Variants in CLNK observed in about 807,000 individuals in gnomAD.
CLNK encodes the protein cytokine dependent hematopoietic cell linker, also known as cytokine-dependent hematopoietic cell linker.
Under a neutral mutation model 68.6 loss-of-function variants are expected in CLNK, and 74 were observed. The ratio of observed to expected loss-of-function variants is 1.08; its 90% CI spans 0.89 to 1.31. CLNK has a LOEUF of 1.31. CLNK is among the 50% of genes most tolerant of loss of function. CLNK has a pLI of 0.00. For missense variants in CLNK, 553 were observed against 515.3 expected, an observed-to-expected ratio of 1.07 and a Z score of -0.71; for synonymous variants, 198 against 172.2, an observed-to-expected ratio of 1.15 and a Z score of -1.17.
chr4:10,622,184 A>G (rs1008601464), intron 2 of CLNK, among the ~76,000 whole-genome samples: 1 of 152,210 alleles, frequency 6.6e-6, no homozygotes, highest in South Asian at 2.1e-4. Context: ...GGTAAATACC[A>G]TATAGATTGT....
intron 11 of CLNK, among the ~76,000 whole-genome samples, chr4:10,535,790 A>G (rs1718736820): frequency 6.6e-6 from 1 of 152,048 alleles, no homozygotes; most frequent in South Asian, 2.1e-4. Flanking sequence ...TATTGAAGTT[A>G]TTTATAATAA....
chr4:10,696,290 G>T, the CLNK span, among the ~76,000 whole-genome samples: 2 of 152,274 alleles, frequency 1.3e-5, no homozygotes, highest in Admixed American at 6.5e-5. Context: ...TTTAGACCTA[G>T]CTCTGGCTAC....
chr4:10,566,134 G>A lies in CLNK; in HGVS notation c.167C>T (p.Ala56Val), dbSNP rs765880588. ...PLLDWERNFA[A>V]VLDGAKGHSD... ...GTGGCCTTTTGCTCCATCCAGGACT[G>A]CAGCAAAGTTTCTTTCCTAAGCAGG... Residue 56 changes from alanine to valine, a missense_variant, in exon 6 of 19, where the codon GCA becomes GTA. Coordinates refer to ENST00000226951, the MANE Select transcript of CLNK (RefSeq NM_052964.4). The A allele has an allele frequency of 1.9e-6, 3 of 1,613,406 alleles. No homozygotes were observed. In the South Asian group the frequency reaches 3.3e-5, roughly 18 times the overall value.
At chr4:10,564,413 C>G (rs1274197008) in intron 7 of CLNK, among the ~76,000 whole-genome samples, 1 of 152,184 alleles carries the variant, frequency 6.6e-6, no homozygotes, top group Admixed American at 6.5e-5. Flanking sequence ...AGATGCATGT[C>G]AAAGTCCTTA....
intron 16 of CLNK, among the ~76,000 whole-genome samples, chr4:10,511,732 G>A (rs1363826437): frequency 6.6e-6 from 1 of 152,170 alleles, no homozygotes; most frequent in Non-Finnish European, 1.5e-5. Context: ...CATTGTGTGT[G>A]TGTGTATACC....
At chr4:10,613,928 C>G (rs1257104302) in intron 2 of CLNK, among the ~76,000 whole-genome samples, 1 of 152,244 alleles carries the variant, frequency 6.6e-6, no homozygotes, top group East Asian at 1.9e-4. Context: ...GGAGAATGTG[C>G]TTAAGATTCC....
At chr4:10,616,567 G>C (rs1361262288) in intron 2 of CLNK, among the ~76,000 whole-genome samples, 2 of 152,066 alleles carry the variant, frequency 1.3e-5, no homozygotes, top group East Asian at 3.9e-4. Flanking sequence ...CAGCAATATT[G>C]ATGTTAGAAC....
the CLNK span, among the ~76,000 whole-genome samples, chr4:10,704,941 G>T: frequency 6.6e-6 from 1 of 152,168 alleles, no homozygotes; most frequent in Non-Finnish European, 1.5e-5. Context: ...GTGTCCAGTG[G>T]TACCAATGTG....
the CLNK span, among the ~76,000 whole-genome samples, chr4:10,695,051 G>A: frequency 1.3e-5 from 2 of 152,184 alleles, no homozygotes; most frequent in Admixed American, 1.3e-4. Context: ...AGTGGACTGG[G>A]AAAGGGGAGA....
chr4:10,523,214 C>T (rs559688903), intron 14 of CLNK, among the ~76,000 whole-genome samples: 13 of 152,072 alleles, frequency 8.5e-5, no homozygotes, highest in African/African-American at 2.7e-4. Context: ...CTGAGTTTAC[C>T]GGGATGAAAA....
rs1010474120 is a variant in CLNK at position 10,488,409 on chromosome 4, C to T, written c.*2058G>A. On this transcript the variant is annotated 3_prime_UTR_variant, in exon 19 of 19. Transcript: ENST00000226951. ...AGCTTTTTAGGGTGAGGGTCAGATT[C>T]CTTCTTAATGTGAGCCTGGAGCTCT... 2.0e-5 allele frequency: 3 copies of T among 152,162 alleles called. No homozygotes were observed. The highest frequency in any genetic ancestry group is 7.2e-5 in the African/African-American group (3 of 41,434). 9.4% of individuals were successfully genotyped at this position (152,162 alleles called of 1,614,324 possible).
At chr4:10,626,416 G>A (rs528449976) in intron 2 of CLNK, among the ~76,000 whole-genome samples, 78 of 151,978 alleles carry the variant, frequency 5.1e-4, no homozygotes, top group African/African-American at 1.8e-3. Context: ...TCATTTATTC[G>A]CACCAAATTC....
At chr4:10,601,312 G>C (rs1026112311) in intron 2 of CLNK, among the ~76,000 whole-genome samples, 2 of 152,206 alleles carry the variant, frequency 1.3e-5, no homozygotes, top group Admixed American at 6.5e-5. Flanking sequence ...AGCAGGTGGG[G>C]AGAATGGAGA....
intron 3 of CLNK, among the ~76,000 whole-genome samples, chr4:10,594,418 G>T (rs1463209993): frequency 6.6e-6 from 1 of 152,218 alleles, no homozygotes; most frequent in African/African-American, 2.4e-5. Context: ...TCCATCCGAG[G>T]TTCTCTAACT....
chr4:10,587,442 T>A (rs1721011562), intron 3 of CLNK, among the ~76,000 whole-genome samples: 1 of 152,224 alleles, frequency 6.6e-6, no homozygotes, highest in Non-Finnish European at 1.5e-5. Context: ...ATCCCAGGCC[T>A]CTGCATTACA....
chr4:10,540,234 G>A (rs1718958508), intron 11 of CLNK, among the ~76,000 whole-genome samples: 1 of 152,142 alleles, frequency 6.6e-6, no homozygotes, highest in Non-Finnish European at 1.5e-5. Flanking sequence ...CTCACCTGCT[G>A]CCATGTAAGA....
At chr4:10,614,038 G>A (rs1020834414) in intron 2 of CLNK, among the ~76,000 whole-genome samples, 6 of 152,194 alleles carry the variant, frequency 3.9e-5, no homozygotes, top group Admixed American at 1.3e-4. Context: ...GAGCAACATC[G>A]GACTCATAGT....
the CLNK span, among the ~76,000 whole-genome samples, chr4:10,723,891 A>AGAGAGAGAGG: frequency 6.6e-6 from 1 of 150,766 alleles, no homozygotes; most frequent in Admixed American, 6.6e-5. Flanking sequence ...TCAGAGAGAG[A>AGAGAGAGAGG]GAGAGAGAGA....
At chr4:10,625,085 G>T (rs1722615571) in intron 2 of CLNK, among the ~76,000 whole-genome samples, 2 of 152,176 alleles carry the variant, frequency 1.3e-5, no homozygotes, top group Admixed American at 1.3e-4. Flanking sequence ...TCCCAAAGCT[G>T]CAGGCAAGCC....
Sources: gnomAD v4.1 joint callset for allele counts (sites outside exome capture counted in the v4.1 genomes callset) on GRCh38, gnomAD v4.1.1 for gene constraint, MANE v1.5 for transcripts, NCBI Gene and HGNC (gene_info 2026-07-23, HGNC 2026-07-21) for gene names.